Variants in NEK7 observed in about 807,000 individuals in gnomAD.
The protein encoded by NEK7 is NIMA related kinase 7, also known as serine/threonine-protein kinase Nek7.
NEK7 carries 18 observed loss-of-function variants against 44.6 expected under a neutral mutation model. The observed-to-expected ratio is 0.40, with a 90% CI of 0.28 to 0.60. The LOEUF is 0.60. Among genes scored for constraint, NEK7 ranks in the 20% least tolerant of loss-of-function variants. The pLI is 0.38. For missense variants in NEK7, 256 were observed against 366.5 expected (o/e 0.70, Z 2.46); for synonymous variants, 130 against 121.1 (o/e 1.07, Z -0.48).
At position 198,296,889 on chromosome 1, in the gene NEK7, T is replaced by C. The variant is rs918086917; in HGVS notation, c.685-238T>C. On this transcript the variant is annotated intron_variant, in intron 8 of 9. Transcript: ENST00000367385. ...TGTTGCATTTGTATATAAAGAAATA[T>C]GCTAATTCTCTATTTTAGGGAATTT... Among the ~76,000 whole-genome samples the C allele has an allele frequency of 3.9e-5, 6 of 152,188 alleles. No homozygotes were observed. The South Asian group carries it at 1.0e-3, about 26-fold the overall frequency.
At chr1:198,258,212 G>A (rs947868188) in intron 3 of NEK7, among the ~76,000 whole-genome samples, 1 of 152,084 alleles carries the variant, frequency 6.6e-6, no homozygotes, top group African/African-American at 2.4e-5. Context: ...AGGCTGAGGC[G>A]GGCAGATGAC....
chr1:198,279,024 G>C lies in NEK7; in HGVS notation c.552G>C (p.Arg184=), dbSNP rs149889960. 2.7e-4 allele frequency: 434 copies of C among 1,610,492 alleles called. 2 individuals are homozygous for C. Among genetic ancestry groups the C allele is most frequent in the South Asian group, 1.1e-3 (97 of 90,952 alleles). ...AACTTGGAGATCTTGGGCTTGGCCG[G>C]TTTTTCAGCTCAAAAACCACAGCTG... ...VVKLGDLGLG[R]FFSSKTTAAH... is the part of the protein sequence containing the mutation. Residue 184 remains arginine, a synonymous_variant, in exon 7 of 10, where the codon CGG becomes CGC. Coordinates refer to ENST00000367385, the MANE Select transcript of NEK7 (RefSeq NM_133494.3).
chr1:198,234,248 A>G (rs951259954), intron 2 of NEK7, among the ~76,000 whole-genome samples: 2 of 152,092 alleles, frequency 1.3e-5, no homozygotes, highest in African/African-American at 4.8e-5. Context: ...TGAATTGTCT[A>G]TATTGAGTAA....
At chr1:198,269,645 G>A (rs1341322509) in intron 5 of NEK7, among the ~76,000 whole-genome samples, 3 of 151,988 alleles carry the variant, frequency 2.0e-5, no homozygotes, top group Non-Finnish European at 2.9e-5. Flanking sequence ...CTTAATTGGG[G>A]TACAAGAGGA....
chr1:198,178,829 G>C (rs963429358), intron 1 of NEK7, among the ~76,000 whole-genome samples: 12 of 151,950 alleles, frequency 7.9e-5, no homozygotes, highest in Non-Finnish European at 1.6e-4. Flanking sequence ...TAATGGTACA[G>C]TTAAAGAGTC....
At chr1:198,304,933 A>G (rs1324453346) in intron 9 of NEK7, among the ~76,000 whole-genome samples, 1 of 152,106 alleles carries the variant, frequency 6.6e-6, no homozygotes, top group African/African-American at 2.4e-5. Flanking sequence ...AAGCATCTGA[A>G]TTAAACAGTT....
intron 1 of NEK7, among the ~76,000 whole-genome samples, chr1:198,215,300 T>C (rs1339814325): frequency 6.6e-6 from 1 of 152,152 alleles, no homozygotes; most frequent in African/African-American, 2.4e-5. Context: ...AACAACATGA[T>C]GACTGGAACA....
rs546598011 is a variant in NEK7 at position 198,167,220 on chromosome 1, G to T, written c.-29+9944G>T. Among the ~76,000 whole-genome samples the T allele has an allele frequency of 4.6e-5, 7 of 152,252 alleles. No homozygotes were observed. In the South Asian group the frequency reaches 1.4e-3, roughly 32 times the overall value. Reference sequence around the variant, plus strand: ...AGGTTCTTCCTATGTGTTTTCGCTTGTGTCTCTTCTCATAAGGACATCCTC... The same window carrying T: ...AGGTTCTTCCTATGTGTTTTCGCTTTTGTCTCTTCTCATAAGGACATCCTC... On this transcript the variant is annotated intron_variant, in intron 1 of 9. Coordinates refer to ENST00000367385, the MANE Select transcript of NEK7 (RefSeq NM_133494.3).
At chr1:198,240,903 C>G (rs1666667307) in intron 2 of NEK7, among the ~76,000 whole-genome samples, 1 of 152,160 alleles carries the variant, frequency 6.6e-6, no homozygotes, top group Non-Finnish European at 1.5e-5. Context: ...GCATCTTGAC[C>G]AGGCTGGTCT....
chr1:198,204,949 T>G (rs1488428112), intron 1 of NEK7, among the ~76,000 whole-genome samples: 1 of 152,164 alleles, frequency 6.6e-6, no homozygotes, highest in African/African-American at 2.4e-5. Context: ...CTTCTTCTTT[T>G]AAAATGTAAC....
At chr1:198,162,180 G>T (rs1037058759) in intron 1 of NEK7, among the ~76,000 whole-genome samples, 4 of 152,132 alleles carry the variant, frequency 2.6e-5, no homozygotes, top group Non-Finnish European at 4.4e-5. Flanking sequence ...AATGGAAAAT[G>T]CAACAGCTTT....
At chr1:198,187,126 T>C (rs544911479) in intron 1 of NEK7, among the ~76,000 whole-genome samples, 1 of 152,302 alleles carries the variant, frequency 6.6e-6, no homozygotes, top group South Asian at 2.1e-4. Context: ...AATTCCACTG[T>C]CAGGGAAAAG....
chr1:198,220,586 C>T (rs887008337), intron 1 of NEK7, among the ~76,000 whole-genome samples: 3 of 151,982 alleles, frequency 2.0e-5, no homozygotes, highest in Admixed American at 6.6e-5. Context: ...TGTCTGATAT[C>T]GACATGTCAC....
At chr1:198,158,541 C>T (rs1393846273) in intron 1 of NEK7, among the ~76,000 whole-genome samples, 1 of 152,176 alleles carries the variant, frequency 6.6e-6, no homozygotes, top group Non-Finnish European at 1.5e-5. Context: ...CCTTGAGCTG[C>T]TGGTGGTGTG....
intron 7 of NEK7, among the ~76,000 whole-genome samples, chr1:198,284,839 A>G (rs1654319626): frequency 6.6e-6 from 1 of 152,162 alleles, no homozygotes; most frequent in Non-Finnish European, 1.5e-5. Flanking sequence ...ATTTCCTATA[A>G]TAGTGACCCA....
At chr1:198,224,789 G>A (rs895923332) in intron 1 of NEK7, among the ~76,000 whole-genome samples, 3 of 152,090 alleles carry the variant, frequency 2.0e-5, no homozygotes. Flanking sequence ...GCCTTTTAGA[G>A]ACCTCAGGTA....
intron 3 of NEK7, 48 bp from the exon 4 acceptor site, chr1:198,262,527 G>T: frequency 1.7e-6 from 2 of 1,153,666 alleles, no homozygotes; most frequent in South Asian, 2.6e-5. Context: ...ACAATAGCTT[G>T]AACCATAGGT....
intron 5 of NEK7, among the ~76,000 whole-genome samples, chr1:198,266,984 A>G (rs1175066497): frequency 6.6e-6 from 1 of 152,038 alleles, no homozygotes; most frequent in Non-Finnish European, 1.5e-5. Context: ...TCACCTTCCC[A>G]TAACTGAACC....
chr1:198,228,553 G>A (rs1205350353), intron 1 of NEK7, among the ~76,000 whole-genome samples: 1 of 152,102 alleles, frequency 6.6e-6, no homozygotes, highest in African/African-American at 2.4e-5. Context: ...TTGAACAGTG[G>A]TTTGTAGTTC....
Sources: allele counts gnomAD v4.1 joint callset (sites outside exome capture counted in the v4.1 genomes callset), GRCh38; gene constraint gnomAD v4.1.1; transcripts MANE v1.5; gene names NCBI Gene and HGNC (gene_info 2026-07-23, HGNC 2026-07-21).